UNC13B: variants seen among roughly 807,000 people sequenced by gnomAD.
UNC13B encodes the protein protein unc-13 homolog B.
A neutral mutation model predicts 211.0 loss-of-function variants in UNC13B; 144 were observed. The ratio of observed to expected loss-of-function variants is 0.68; its 90% CI spans 0.60 to 0.78. UNC13B has a LOEUF of 0.78. UNC13B is among the 30% of genes least tolerant of loss of function. UNC13B has a pLI of 0.00. For synonymous variants in UNC13B, 709 were observed against 725.8 expected (o/e 0.98, Z 0.37); for missense variants, 1,777 against 2,002.0 (o/e 0.89, Z 2.14).
At chr9:35,240,168 A>G (rs1390751165) in intron 5 of UNC13B, among the ~76,000 whole-genome samples, 1 of 152,252 alleles carries the variant, frequency 6.6e-6, no homozygotes, top group Non-Finnish European at 1.5e-5. Flanking sequence ...ATAAATGTCC[A>G]TGAAATCTTC....
At chr9:35,208,807 T>C (rs1333629744) in intron 1 of UNC13B, among the ~76,000 whole-genome samples, 1 of 152,162 alleles carries the variant, frequency 6.6e-6, no homozygotes, top group Non-Finnish European at 1.5e-5. Context: ...ACATGAGATT[T>C]GGGTGGGGAC....
chr9:35,397,994 C>G lies in UNC13B; in HGVS notation c.11755-217C>G, dbSNP rs1294932111. Among the ~76,000 whole-genome samples, 4 of 152,124 alleles carry G rather than the reference C, an allele frequency of 2.6e-5. No individual in the cohort carries two copies. In the East Asian group the frequency reaches 5.8e-4, roughly 22 times the overall value. ...ATTCAGAAAGTTATAAAGGATAATACATTAATACTTGAGTACCTACCACCC... is the reference window on the plus strand; with the variant it reads ...ATTCAGAAAGTTATAAAGGATAATAGATTAATACTTGAGTACCTACCACCC... On this transcript the variant is annotated intron_variant, in intron 30 of 39. Transcript: ENST00000635942.
At chr9:35,369,526 CAAT>C (rs796681016) in intron 12 of UNC13B, among the ~76,000 whole-genome samples, 6 of 152,196 alleles carry the variant, frequency 3.9e-5, no homozygotes, top group African/African-American at 1.2e-4. Context: ...TATAAAAGAA[CAAT>C]AAAATTAATC....
At chr9:35,210,446 G>A (rs1400949744) in intron 1 of UNC13B, among the ~76,000 whole-genome samples, 2 of 152,132 alleles carry the variant, frequency 1.3e-5, no homozygotes. Flanking sequence ...TTATTTACTG[G>A]CACTGCTACA....
intron 26 of UNC13B, among the ~76,000 whole-genome samples, chr9:35,394,270 G>A (rs1177967158): frequency 1.3e-5 from 2 of 152,180 alleles, no homozygotes; most frequent in Admixed American, 6.5e-5. Flanking sequence ...ACAGGGGCAA[G>A]TTAAATCTAG....
intron 3 of UNC13B, among the ~76,000 whole-genome samples, chr9:35,235,307 A>T (rs16932280): frequency 6.6e-6 from 1 of 152,066 alleles, no homozygotes; most frequent in Non-Finnish European, 1.5e-5. Context: ...ATAATGATTA[A>T]TGAGTCTCCA....
intron 7 of UNC13B, among the ~76,000 whole-genome samples, chr9:35,293,417 G>A (rs1178577719): frequency 6.6e-6 from 1 of 152,210 alleles, no homozygotes; most frequent in Admixed American, 6.5e-5. Context: ...TGATAGGATT[G>A]TCTGTCGCAG....
intron 1 of UNC13B, among the ~76,000 whole-genome samples, chr9:35,212,943 G>A (rs796610486): frequency 3.9e-5 from 6 of 152,318 alleles, no homozygotes; most frequent in African/African-American, 1.2e-4. Flanking sequence ...CAGACCTTGA[G>A]CTGTGGGACC....
In UNC13B at chr9:35,162,205, G is replaced by A. The variant is rs922142889; in HGVS notation, c.-79G>A. 2 of 1,538,820 alleles carry A rather than the reference G, an allele frequency of 1.3e-6. No homozygotes were observed. The highest frequency in any genetic ancestry group is 1.7e-6 in the Non-Finnish European group (2 of 1,145,130). On this transcript the variant is annotated 5_prime_UTR_variant, in exon 1 of 40. Transcript: ENST00000635942. ...ACCCGTGGGGCCGGTAACGAGAGCA[G>A]TCGCGGCACCTGCTGAGAGGAAAGA...
At chr9:35,176,886 G>A (rs1288453053) in intron 1 of UNC13B, among the ~76,000 whole-genome samples, 1 of 152,148 alleles carries the variant, frequency 6.6e-6, no homozygotes, top group African/African-American at 2.4e-5. Flanking sequence ...GAGAGAAGGA[G>A]AAGAATATTC....
intron 7 of UNC13B, among the ~76,000 whole-genome samples, chr9:35,287,478 A>G (rs10972424): frequency 0.02 from 3,110 of 152,236 alleles, 52 homozygotes; most frequent in Non-Finnish European, 0.031. Flanking sequence ...CAGTTGCTCC[A>G]CAGCCTCACT....
In UNC13B at chr9:35,399,397, C is replaced by A; in HGVS notation, c.12204C>A (p.Thr4068=). ...VLPPLTDQTG[T]QLIFTAAKEL... ...CTGATTCCCTCTCTGCCCAGGGCAC[C>A]CAGCTGATCTTCACTGCTGCCAAGG... The change falls in exon 35 of 40, where the codon ACC becomes ACA. Residue 4068 remains threonine (T), a synonymous_variant. Coordinates refer to ENST00000635942, the MANE Select transcript of UNC13B (RefSeq NM_001371189.2). The A allele has an allele frequency of 6.2e-7, 1 of 1,614,064 alleles. No individual in the cohort carries two copies. Among genetic ancestry groups the A allele is most frequent in the African/African-American group, 1.3e-5 (1 of 74,984 alleles).
At chr9:35,353,811 G>A in intron 11 of UNC13B, 2 of 1,230,496 alleles carry the variant, frequency 1.6e-6, no homozygotes, top group Non-Finnish European at 1.0e-6. Context: ...ATACACTCAG[G>A]TATTCTGAGT....
At chr9:35,261,505 AG>A (rs1347466645) in intron 7 of UNC13B, among the ~76,000 whole-genome samples, 1 of 152,124 alleles carries the variant, frequency 6.6e-6, no homozygotes, top group Non-Finnish European at 1.5e-5. Flanking sequence ...GGTACATAGT[AG>A]GTATTTATGG....
chr9:35,403,225 C>T lies in UNC13B; in HGVS notation c.12543C>T (p.His4181=), dbSNP rs1315248418. 1 of 1,614,188 alleles carries T rather than the reference C, an allele frequency of 6.2e-7. No individual in the cohort carries two copies. The highest frequency in any genetic ancestry group is 8.5e-7 in the Non-Finnish European group (1 of 1,180,018). The stretch of plus-strand genomic sequence containing the variant: ...CTATTCAGGTGGACTTGTTTACACA[C>T]CCTGGTACTGGGGAGCACAAGGTCA... ...EVSIQVDLFT[H]PGTGEHKVTV... Residue 4181 remains histidine (H), a synonymous_variant, in exon 38 of 40, where the codon CAC becomes CAT. Coordinates refer to ENST00000635942, the MANE Select transcript of UNC13B (RefSeq NM_001371189.2).
intron 1 of UNC13B, among the ~76,000 whole-genome samples, chr9:35,187,437 T>G (rs568117028): frequency 4.6e-5 from 7 of 152,302 alleles, no homozygotes; most frequent in Non-Finnish European, 7.4e-5. Flanking sequence ...TCAAAAAAAC[T>G]TAAAAACAAT....
chr9:35,378,904 T>C (rs973334294), intron 17 of UNC13B, among the ~76,000 whole-genome samples: 3 of 152,218 alleles, frequency 2.0e-5, no homozygotes, highest in African/African-American at 7.2e-5. Flanking sequence ...AAGAAGATGC[T>C]GTTTCCCATA....
intron 7 of UNC13B, among the ~76,000 whole-genome samples, chr9:35,284,289 G>A (rs1413043921): frequency 3.3e-5 from 5 of 151,844 alleles, no homozygotes; most frequent in South Asian, 2.1e-4. Context: ...AAACAAAAAC[G>A]TTGAGCAGTA....
intron 11 of UNC13B, among the ~76,000 whole-genome samples, chr9:35,326,301 G>A (rs1018437063): frequency 1.3e-5 from 2 of 151,996 alleles, no homozygotes; most frequent in Non-Finnish European, 2.9e-5. Flanking sequence ...TTAAACATAG[G>A]GGATACATTC....
Sources: gnomAD v4.1 joint callset for allele counts (sites outside exome capture counted in the v4.1 genomes callset) on GRCh38, gnomAD v4.1.1 for gene constraint, MANE v1.5 for transcripts, NCBI Gene and HGNC (gene_info 2026-07-23, HGNC 2026-07-21) for gene names.